The following SMO variants were observed in gnomAD, a reference collection of about 807,000 sequenced individuals.
SMO encodes the protein smoothened, frizzled class receptor.
In SMO, 40 loss-of-function variants were observed where a neutral mutation model predicts 81.6. That is an observed-to-expected ratio of 0.49 (90% CI 0.38 to 0.64). The LOEUF is 0.64. Among genes scored for constraint, SMO ranks in the 30% least tolerant of loss-of-function variants. SMO has a pLI of 0.00. For missense variants in SMO, 916 were observed against 1,061.1 expected, an observed-to-expected ratio of 0.86 and a Z score of 1.90; for synonymous variants, 434 against 432.1, an observed-to-expected ratio of 1.00 and a Z score of -0.05.
rs547263156 is a variant in SMO, at chr7:129,212,169, T to C, written c.2082T>C (p.Pro694=). 8 of 1,550,198 alleles carry C rather than the reference T, an allele frequency of 5.2e-6. No homozygotes were observed. The South Asian group carries it at 9.5e-5, about 18-fold the overall frequency. ...PLAPPPELHP[P]APAPSTIPRL... The stretch of plus-strand genomic sequence containing the variant: ...CGCCGCCCCCTGAGCTTCACCCCCC[T>C]GCCCCTGCCCCCAGTACCATTCCTC... Residue 694 remains proline (P), a synonymous_variant, in exon 12 of 12, where the codon CCT becomes CCC. Transcript: ENST00000249373. This position sits in a 1 kb window ranked among gnomAD's most constrained non-coding sequence, Gnocchi z 5.0.
Position 129,212,910 on chromosome 7 carries a change from TTGACTG to T in SMO, c.*462_*467del. On this transcript the variant is annotated 3_prime_UTR_variant, in exon 12 of 12. Transcript: ENST00000249373. This position sits in a 1 kb window ranked among gnomAD's most constrained non-coding sequence, Gnocchi z 5.0. ...TCCTGGCAGTCTCAGTCCAAAAGTG[TTGACTG>T]TGTCATTAGTCCTTTGTCTAAGTAG... 3.6e-6 allele frequency: 1 copy of T among 276,124 alleles called. No homozygotes were observed. Among genetic ancestry groups the T allele is most frequent in the Non-Finnish European group, 6.8e-6 (1 of 146,174 alleles). 17.1% of individuals were successfully genotyped at this position (276,124 alleles called of 1,614,324 possible).
At position 129,211,608 on chromosome 7, in the gene SMO, TCTC is replaced by T. The variant is rs771129751; in HGVS notation, c.1802-25_1802-23del. On this transcript the variant is annotated intron_variant, in intron 10 of 11. Transcript: ENST00000249373. This position sits in a 1 kb window ranked among gnomAD's most constrained non-coding sequence, Gnocchi z 4.6. ...CAGGGACCGGGAAGTCACTATTCCT[TCTC>T]CTTTCCTTCCTTCCATTCCCACAGC... 19 of 1,609,236 alleles carry T rather than the reference TCTC, an allele frequency of 1.2e-5. No individual in the cohort carries two copies. The highest frequency in any genetic ancestry group is 1.6e-5 in the Non-Finnish European group (19 of 1,178,292).
chr7:129,211,296 C>A lies in SMO; in HGVS notation c.1801+183C>A. ...CCTCCTACCCTCTGGGGGGCTCTCCCCTCTCTGTTTCTGCCCCTGGGTCTG... is the reference window on the plus strand; with the variant it reads ...CCTCCTACCCTCTGGGGGGCTCTCCACTCTCTGTTTCTGCCCCTGGGTCTG... On this transcript the variant is annotated intron_variant, in intron 10 of 11. Transcript: ENST00000249373. The surrounding 1 kb of genome is among the most constrained non-coding windows in gnomAD (Gnocchi z 4.6). 1.3e-6 allele frequency: 1 copy of A among 766,562 alleles called. No homozygotes were observed. Among genetic ancestry groups the A allele is most frequent in the South Asian group, 1.5e-5 (1 of 68,120 alleles). 47.5% of individuals were successfully genotyped at this position (766,562 alleles called of 1,614,324 possible).
chr7:129,203,570 G>A lies in SMO; in HGVS notation c.518G>A (p.Arg173His), dbSNP rs147491841. Reference protein sequence around the residue: ...WPDFLRCTPDRFPEGCTNEVQ... With the variant: ...WPDFLRCTPDHFPEGCTNEVQ... ...GACTTCCTGCGCTGCACTCCTGACC[G>A]CTTCCCTGAAGGCTGCACGGTGAGT... Residue 173 changes from arginine to histidine, a missense_variant, in exon 2 of 12, where the codon CGC (arginine) becomes CAC (histidine). Physicochemically the swap from Arg to His is conservative, Grantham distance 29. This residue lies in a region of SMO where 436 missense variants were observed against 570.9 expected (regional missense o/e 0.76). Transcript: ENST00000249373. 7.2e-4 allele frequency: 1,150 copies of A among 1,601,494 alleles called. 10 individuals are homozygous for A. The Middle Eastern group carries it at 0.019, about 26-fold the overall frequency.
At chr7:129,202,702 C>G (rs1042511180) in intron 1 of SMO, among the ~76,000 whole-genome samples, 1 of 152,136 alleles carries the variant, frequency 6.6e-6, no homozygotes, top group Admixed American at 6.5e-5. Flanking sequence ...ACTACCTCTT[C>G]TTAAGCCCCC....
chr7:129,195,836 T>A (rs1749246552), intron 1 of SMO, among the ~76,000 whole-genome samples: 1 of 152,070 alleles, frequency 6.6e-6, no homozygotes, highest in Non-Finnish European at 1.5e-5. Context: ...GCGTGGTGGC[T>A]CACACCTGTA....
intron 1 of SMO, among the ~76,000 whole-genome samples, chr7:129,202,435 T>C (rs1447400892): frequency 1.3e-5 from 2 of 152,176 alleles, no homozygotes; most frequent in African/African-American, 4.8e-5. Context: ...CCATGTTGGC[T>C]CTCACATCCT....
chr7:129,198,083 ATTTTGTTTTTAAGCTCAAGTTTTGT>A (rs1563147123), intron 1 of SMO, among the ~76,000 whole-genome samples: 1 of 151,408 alleles, frequency 6.6e-6, no homozygotes, highest in Non-Finnish European at 1.5e-5. Flanking sequence ...GTATTTCTTT[ATTTTGTTTTTAAGCTCAAGTTTTGT>A]TTTTGTTTTT....
chr7:129,198,293 A>G (rs1563147175), intron 1 of SMO, among the ~76,000 whole-genome samples: 2 of 152,220 alleles, frequency 1.3e-5, no homozygotes, highest in East Asian at 3.8e-4. Flanking sequence ...ATACATGTAC[A>G]TGGCACAGAA....
intron 1 of SMO, among the ~76,000 whole-genome samples, chr7:129,193,785 A>AAAAAAATAT (rs1563145734): frequency 3.8e-4 from 10 of 26,354 alleles, no homozygotes; most frequent in Non-Finnish European, 4.4e-4. Flanking sequence ...AAAAAAAAAA[A>AAAAAAATAT]ATATATATAT....
rs2150637327 is a variant in SMO, at chr7:129,188,823, T to G, written c.-329T>G. The G allele has an allele frequency of 1.3e-4, 28 of 208,080 alleles. No individual in the cohort carries two copies. Among genetic ancestry groups the G allele is most frequent in the Middle Eastern group, 1.5e-3 (1 of 676 alleles). 12.9% of individuals were successfully genotyped at this position (208,080 alleles called of 1,614,324 possible). ...TCGCGGGGCGGGGAGGTGGCTTTAA[T>G]GGTGGGAGAGGGAATGGGGCTGGGG... On this transcript the variant is annotated 5_prime_UTR_variant, in exon 1 of 12. It removes an upstream start codon present in the reference 5' UTR. Transcript: ENST00000249373. This position sits in a 1 kb window ranked among gnomAD's most constrained non-coding sequence, Gnocchi z 4.9.
chr7:129,209,852 A>C, intron 8 of SMO: 1 of 181,822 alleles, frequency 5.5e-6, no homozygotes, highest in South Asian at 1.3e-4. Flanking sequence ...AGAGTAAGAC[A>C]TTGCTACTGC....
chr7:129,205,513 G>A, intron 3 of SMO, 97 bp from the exon 4 acceptor site: 3 of 1,516,894 alleles, frequency 2.0e-6, no homozygotes, highest in Non-Finnish European at 2.7e-6. Context: ...GGTCCCCAGG[G>A]AAGGGTCATG....
chr7:129,211,033 C>CT lies in SMO; in HGVS notation c.1722dup (p.Lys575Ter). On this transcript the variant is annotated frameshift_variant, in exon 10 of 12. Transcript: ENST00000249373. LOFTEE classifies it high-confidence loss of function. The surrounding 1 kb of genome is among the most constrained non-coding windows in gnomAD (Gnocchi z 4.6). ...AGCAAGATGATTGCCAAGGCCTTCT[C>CT]TAAGCGGCACGAGCTCCTGCAGAAC... is the stretch of plus-strand genomic sequence containing the variant. The CT allele has an allele frequency of 6.2e-7, 1 of 1,614,060 alleles. No homozygotes were observed. Among genetic ancestry groups the CT allele is most frequent in the Non-Finnish European group, 8.5e-7 (1 of 1,179,960 alleles).
intron 1 of SMO, among the ~76,000 whole-genome samples, chr7:129,192,410 T>C (rs1793494215): frequency 6.6e-6 from 1 of 152,192 alleles, no homozygotes; most frequent in Admixed American, 6.5e-5. Context: ...TTGGATGTTA[T>C]CCAGGGGATG....
intron 1 of SMO, among the ~76,000 whole-genome samples, chr7:129,195,297 C>G (rs897571856): frequency 6.6e-6 from 1 of 152,188 alleles, no homozygotes; most frequent in Non-Finnish European, 1.5e-5. Flanking sequence ...AACTTATACT[C>G]CCACTAGCTA....
In SMO at chr7:129,197,016, C is replaced by CAAAA. The variant is rs11445153; in HGVS notation, c.332-6353_332-6350dup. On this transcript the variant is annotated intron_variant, in intron 1 of 11. Coordinates refer to ENST00000249373, the MANE Select transcript of SMO (RefSeq NM_005631.5). ...TGGGCAATACAGTGAGACACCGTCTCAAAAAAAAAAAAAAAAAAGAAATAA... is the reference window on the plus strand; with the variant it reads ...TGGGCAATACAGTGAGACACCGTCTCAAAAAAAAAAAAAAAAAAAAAAGAAATAA... 2.6e-3 allele frequency among the ~76,000 whole-genome samples: 296 copies of CAAAA among 113,352 alleles called. 2 individuals carry two copies. The highest frequency in any genetic ancestry group is 9.9e-3 in the African/African-American group (278 of 28,006). The allele number at this position is 113,352 out of a possible 152,430, so 74.4% of individuals were successfully genotyped here. A position where few individuals can be genotyped will look rare whatever the true frequency, so the allele number is the denominator to read the frequency against.
intron 1 of SMO, among the ~76,000 whole-genome samples, chr7:129,203,128 G>A (rs796963551): frequency 6.6e-6 from 1 of 151,106 alleles, no homozygotes; most frequent in African/African-American, 2.5e-5. Flanking sequence ...AGAGGGCTGG[G>A]GCATTTTTGT....
At position 129,208,917 on chromosome 7, in the gene SMO, T is replaced by C; in HGVS notation, c.1357+66T>C. ...GCCCAACACTGCACCCTCCTGGGGC[T>C]ATGCGACCGGCAGGATGCAGTAAGT... On this transcript the variant is annotated intron_variant, in intron 7 of 11. Coordinates refer to ENST00000249373, the MANE Select transcript of SMO (RefSeq NM_005631.5). This position sits in a 1 kb window ranked among gnomAD's most constrained non-coding sequence, Gnocchi z 5.2. 2.7e-6 allele frequency: 3 copies of C among 1,103,566 alleles called. 1 individual carries two copies. The highest frequency in any genetic ancestry group is 4.1e-6 in the Non-Finnish European group (3 of 729,916). 68.4% of individuals were successfully genotyped at this position (1,103,566 alleles called of 1,614,324 possible). A position where few individuals can be genotyped will look rare whatever the true frequency, so the allele number is the denominator to read the frequency against.
Sources: gnomAD v4.1 joint callset for allele counts (sites outside exome capture counted in the v4.1 genomes callset) on GRCh38, gnomAD v4.1.1 for gene constraint, gnomAD v4.1.1 regional missense constraint, Gnocchi (gnomAD v3.1) non-coding constraint, MANE v1.5 for transcripts, NCBI Gene and HGNC (gene_info 2026-07-23, HGNC 2026-07-21) for gene names.